The following PTPRM variants were observed in gnomAD, a reference collection of about 807,000 sequenced individuals.
The protein encoded by PTPRM is receptor-type tyrosine-protein phosphatase mu.
Under a neutral mutation model 186.7 loss-of-function variants are expected in PTPRM, and 47 were observed. The observed-to-expected ratio is 0.25, with a 90% CI of 0.20 to 0.32. The LOEUF (loss-of-function observed/expected upper bound fraction) is 0.32, where lower values mean the gene tolerates loss of function less well. PTPRM is among the 10% of genes least tolerant of loss of function. The pLI is 1.00. For synonymous variants in PTPRM, 668 were observed against 674.9 expected, an observed-to-expected ratio of 0.99 and a Z score of 0.16; for missense variants, 1,494 against 1,865.0, an observed-to-expected ratio of 0.80 and a Z score of 3.66.
At chr18:8,319,363 A>G (rs2095331358) in intron 22 of PTPRM, 149 bp downstream of exon 22, 4 of 571,950 alleles carry the variant, frequency 7.0e-6, no homozygotes, top group Non-Finnish European at 6.1e-6. Flanking sequence ...CCCATCAGAC[A>G]TTCTGGTCAT....
At chr18:7,601,752 A>C (rs1018314439) in intron 1 of PTPRM, among the ~76,000 whole-genome samples, 10 of 152,212 alleles carry the variant, frequency 6.6e-5, no homozygotes, top group African/African-American at 2.2e-4. Flanking sequence ...AAGTTTCAGG[A>C]GTTAAGACTT....
Position 7,759,546 on chromosome 18 carries a change from T to C in PTPRM, c.74-14603T>C, listed in dbSNP as rs535274004. ...TCATCCCAGGCATATTATGAAGTCATTGAATTTGATACTGTCTTCTTTTTT... is the reference window on the plus strand; with the variant it reads ...TCATCCCAGGCATATTATGAAGTCACTGAATTTGATACTGTCTTCTTTTTT... On this transcript the variant is annotated intron_variant, in intron 1 of 32. Transcript: ENST00000580170. Among the ~76,000 whole-genome samples the C allele has an allele frequency of 2.0e-5, 3 of 152,354 alleles. No homozygotes were observed. The South Asian group carries it at 6.2e-4, about 32-fold the overall frequency.
intron 1 of PTPRM, among the ~76,000 whole-genome samples, chr18:7,596,227 A>G (rs559718863): frequency 6.6e-6 from 1 of 152,314 alleles, no homozygotes; most frequent in South Asian, 2.1e-4. Flanking sequence ...TCAGCTACTA[A>G]GTGACCACTG....
chr18:7,972,204 C>T (rs1194900694), intron 7 of PTPRM, among the ~76,000 whole-genome samples: 2 of 130,668 alleles, frequency 1.5e-5, no homozygotes, highest in Non-Finnish European at 1.5e-5. Flanking sequence ...AGTAAACTAT[C>T]GCAAGAAGAA....
intron 2 of PTPRM, among the ~76,000 whole-genome samples, chr18:7,804,473 A>G (rs2044134521): frequency 6.6e-6 from 1 of 152,238 alleles, no homozygotes; most frequent in Non-Finnish European, 1.5e-5. Flanking sequence ...CTTTGTAACC[A>G]AAATTCAATT....
intron 23 of PTPRM, among the ~76,000 whole-genome samples, chr18:8,367,553 C>T (rs1166917167): frequency 6.6e-6 from 1 of 152,274 alleles, no homozygotes; most frequent in Non-Finnish European, 1.5e-5. Flanking sequence ...GCCCTGGCGG[C>T]TGCTGCCTGC....
At chr18:8,147,094 GT>G (rs2092904618) in intron 14 of PTPRM, among the ~76,000 whole-genome samples, 1 of 152,114 alleles carries the variant, frequency 6.6e-6, no homozygotes, top group South Asian at 2.1e-4. Flanking sequence ...GATGCCTCCA[GT>G]TTTGTTCTTT....
chr18:8,044,171 T>C (rs2086868857), intron 7 of PTPRM, among the ~76,000 whole-genome samples: 1 of 152,184 alleles, frequency 6.6e-6, no homozygotes, highest in African/African-American at 2.4e-5. Flanking sequence ...TGAGGCCTAG[T>C]CAACAAGAGA....
Position 8,247,927 on chromosome 18 carries a change from T to C in PTPRM, c.2527+8T>C, listed in dbSNP as rs2094492948. On this transcript the variant is annotated splice_region_variant and intron_variant, in intron 16 of 32. Coordinates refer to ENST00000580170, the MANE Select transcript of PTPRM (RefSeq NM_001105244.2). ...CTAATTCCTATTACCCAGGTAACAGTTTTTTCCATTGTCTCCTCTCTGCTC... is the reference window on the plus strand; with the variant it reads ...CTAATTCCTATTACCCAGGTAACAGCTTTTTCCATTGTCTCCTCTCTGCTC... The C allele has an allele frequency of 4.5e-6, 7 of 1,565,442 alleles. No individual in the cohort carries two copies. The African/African-American group carries it at 8.1e-5, about 18-fold the overall frequency.
Position 7,733,784 on chromosome 18 carries a change from T to G in PTPRM, c.74-40365T>G, listed in dbSNP as rs924596681. On this transcript the variant is annotated intron_variant, in intron 1 of 32. Transcript: ENST00000580170. ...AGTTGAAGAGGCCAGGCTCCTCCCC[T>G]GCATAAGGCACAAATTCCTGGTGGC... Among the ~76,000 whole-genome samples, 3 of 152,268 alleles carry G rather than the reference T, an allele frequency of 2.0e-5. No individual in the cohort carries two copies. The East Asian group carries it at 5.8e-4, about 30-fold the overall frequency.
At chr18:7,780,634 G>A (rs1489470684) in intron 2 of PTPRM, among the ~76,000 whole-genome samples, 2 of 152,118 alleles carry the variant, frequency 1.3e-5, no homozygotes, top group Non-Finnish European at 1.5e-5. Context: ...CTGGCTATAG[G>A]TGCTAGAGCT....
chr18:7,768,696 G>T (rs1478270931), intron 1 of PTPRM, among the ~76,000 whole-genome samples: 1 of 150,610 alleles, frequency 6.6e-6, no homozygotes, highest in Non-Finnish European at 1.5e-5. Context: ...GCCCAGGCTG[G>T]AGGGCAATGG....
At chr18:7,708,056 G>C (rs1207577903) in intron 1 of PTPRM, among the ~76,000 whole-genome samples, 1 of 152,130 alleles carries the variant, frequency 6.6e-6, no homozygotes, top group Non-Finnish European at 1.5e-5. Flanking sequence ...TTTTTACCTA[G>C]CTGCTTTATT....
At chr18:7,815,659 G>A (rs1296646767) in intron 2 of PTPRM, 4 of 152,008 alleles carry the variant, frequency 2.6e-5, no homozygotes, top group African/African-American at 9.7e-5. Context: ...TAGCCACTGC[G>A]CTCTAGCCGG....
chr18:7,569,618 A>G (rs771154392), intron 1 of PTPRM, among the ~76,000 whole-genome samples: 1 of 152,214 alleles, frequency 6.6e-6, no homozygotes, highest in South Asian at 2.1e-4. Flanking sequence ...TGTGTCAAAT[A>G]TCATTTGGAT....
chr18:7,841,537 A>G (rs927732100), intron 2 of PTPRM, among the ~76,000 whole-genome samples: 2 of 151,336 alleles, frequency 1.3e-5, no homozygotes, highest in East Asian at 1.9e-4. Flanking sequence ...TTCGTGATCC[A>G]CCCGCCTCAG....
chr18:7,567,687 T>C lies in PTPRM; in HGVS notation c.-132T>C. 1 of 786,140 alleles carries C rather than the reference T, an allele frequency of 1.3e-6. No individual in the cohort carries two copies. The highest frequency in any genetic ancestry group is 1.9e-6 in the Non-Finnish European group (1 of 539,948). The allele number at this position is 786,140 out of a possible 1,614,324, so 48.7% of individuals were successfully genotyped here. A position where few individuals can be genotyped will look rare whatever the true frequency, so the allele number is the denominator to read the frequency against. ...CGGACTTCTGCAACTGTTGGCACTT[T>C]GGGGGCTTGGCTTAGCGCTCTGCTG... On this transcript the variant is annotated 5_prime_UTR_variant, in exon 1 of 33. Coordinates refer to ENST00000580170, the MANE Select transcript of PTPRM (RefSeq NM_001105244.2). The surrounding 1 kb of genome is among the most constrained non-coding windows in gnomAD (Gnocchi z 4.3).
At chr18:8,390,968 T>TAATAATAATAATAAA (rs1187436819) in intron 31 of PTPRM, among the ~76,000 whole-genome samples, 3 of 148,124 alleles carry the variant, frequency 2.0e-5, no homozygotes, top group Non-Finnish European at 3.0e-5. Flanking sequence ...ATAATAATAA[T>TAATAATAATAATAAA]AAAGATGTCC....
chr18:7,659,494 T>C (rs1334673360), intron 1 of PTPRM, among the ~76,000 whole-genome samples: 1 of 152,166 alleles, frequency 6.6e-6, no homozygotes, highest in Admixed American at 6.5e-5. Flanking sequence ...ATCACCTGTG[T>C]CTCCTTTCCT....
Sources: gnomAD v4.1 joint callset for allele counts (sites outside exome capture counted in the v4.1 genomes callset) on GRCh38, gnomAD v4.1.1 for gene constraint, Gnocchi (gnomAD v3.1) non-coding constraint, MANE v1.5 for transcripts, NCBI Gene and HGNC (gene_info 2026-07-23, HGNC 2026-07-21) for gene names.